WFDC1: variants seen among roughly 807,000 people sequenced by gnomAD.
WFDC1 encodes the protein WAP four-disulfide core domain 1, also known as WAP four-disulfide core domain protein 1.
Under a neutral mutation model 32.9 loss-of-function variants are expected in WFDC1, and 39 were observed. The observed-to-expected ratio is 1.19, with a 90% CI of 0.92 to 1.55. The LOEUF (loss-of-function observed/expected upper bound fraction) is 1.55. Ranked by LOEUF, WFDC1 falls within the 40% of genes most tolerant of loss-of-function variation. The pLI, the probability that WFDC1 is intolerant of heterozygous loss-of-function variation, is 0.00. For missense variants in WFDC1, 386 were observed against 309.5 expected (o/e 1.25, Z -1.85); for synonymous variants, 184 against 137.4 (o/e 1.34, Z -2.37).
At chr16:84,302,948 C>T (rs1342846534) in intron 1 of WFDC1, among the ~76,000 whole-genome samples, 1 of 151,796 alleles carries the variant, frequency 6.6e-6, no homozygotes, top group South Asian at 2.1e-4. Context: ...AGAGGACTCT[C>T]GGGTGCACTG....
At chr16:84,307,271 C>T (rs8051893) in intron 1 of WFDC1, among the ~76,000 whole-genome samples, 53,541 of 152,032 alleles carry the variant, frequency 0.35, 9,831 homozygotes, top group East Asian at 0.54. Context: ...TGAGTAAAAG[C>T]TATTTCCCAG....
Position 84,300,575 on chromosome 16 carries a change from C to A in WFDC1, c.144+5460C>A, listed in dbSNP as rs144209263. On this transcript the variant is annotated intron_variant, in intron 1 of 6. Coordinates refer to ENST00000219454, the MANE Select transcript of WFDC1 (RefSeq NM_021197.4). Reference sequence around the variant, plus strand: ...AACTTCTGATCCTTGTGAATGTGACCTTTTTTGGAAACAGGTTCATTACAG... The same window carrying A: ...AACTTCTGATCCTTGTGAATGTGACATTTTTTGGAAACAGGTTCATTACAG... Among the ~76,000 whole-genome samples the A allele has an allele frequency of 4.8e-4, 73 of 152,312 alleles. No homozygotes were observed. The East Asian group carries it at 9.7e-3, about 20-fold the overall frequency.
intron 4 of WFDC1, among the ~76,000 whole-genome samples, chr16:84,323,054 C>T (rs1026561952): frequency 1.3e-5 from 2 of 152,326 alleles, no homozygotes; most frequent in Middle Eastern, 3.4e-3. Flanking sequence ...GGCCAGAATT[C>T]ACCCCCAGGT....
At chr16:84,312,835 G>A (rs987073652) in intron 1 of WFDC1, 126 bp from the exon 2 acceptor site, 1 of 485,514 alleles carries the variant, frequency 2.1e-6, no homozygotes. Flanking sequence ...CCTGCTTGCT[G>A]TTTCTCACAA....
At chr16:84,312,575 T>G (rs559575656) in intron 1 of WFDC1, among the ~76,000 whole-genome samples, 1 of 152,260 alleles carries the variant, frequency 6.6e-6, no homozygotes, top group East Asian at 1.9e-4. Context: ...TATGTACATA[T>G]AGACATATGT....
intron 1 of WFDC1, among the ~76,000 whole-genome samples, chr16:84,301,512 C>A (rs926831667): frequency 1.3e-5 from 2 of 152,128 alleles, no homozygotes; most frequent in African/African-American, 2.4e-5. Context: ...ACTTCATCAT[C>A]AAGACTATGA....
Position 84,318,355 on chromosome 16 carries a change from G to C in WFDC1, c.421G>C (p.Ala141Pro). Residue 141 changes from alanine to proline, a missense_variant and splice_region_variant, in exon 3 of 7, where the codon GCA (alanine) becomes CCA (proline). Coordinates refer to ENST00000219454, the MANE Select transcript of WFDC1 (RefSeq NM_021197.4). ...LLDGPEEVLQ[A>P]EACSTTEDGA... The stretch of plus-strand genomic sequence containing the variant: ...GGATGGCCCTGAGGAGGTGTTACAA[G>C]GTACCTGCCGGGTAAAGCCCAGACC... 3 of 1,613,960 alleles carry C rather than the reference G, an allele frequency of 1.9e-6. No individual in the cohort carries two copies. Among genetic ancestry groups the C allele is most frequent in the Non-Finnish European group, 2.5e-6 (3 of 1,179,896 alleles).
intron 2 of WFDC1, among the ~76,000 whole-genome samples, chr16:84,315,296 C>G (rs866396555): frequency 2.2e-4 from 34 of 152,312 alleles, no homozygotes; most frequent in Middle Eastern, 3.4e-3. Flanking sequence ...TTTAAACCCT[C>G]CATCCCTGTT....
intron 1 of WFDC1, among the ~76,000 whole-genome samples, chr16:84,311,607 C>T (rs988673353): frequency 1.4e-5 from 2 of 146,086 alleles, no homozygotes; most frequent in East Asian, 2.0e-4. Flanking sequence ...CAGCTCACTG[C>T]AGCCTTGACC....
At chr16:84,327,027 C>G in intron 6 of WFDC1, 72 bp downstream of exon 6, 1 of 1,502,160 alleles carries the variant, frequency 6.7e-7, no homozygotes, top group South Asian at 1.1e-5. Flanking sequence ...GCTTTCACCA[C>G]CAGGTTGAGG....
In WFDC1 at chr16:84,318,310, G is replaced by A. The variant is rs549441914; in HGVS notation, c.376G>A (p.Gly126Ser). ...WLVQPKPRWL[G>S]GNGWLLDGPE... ...GGTGCAGCCGAAACCTCGATGGCTTGGTGGCAATGGCTGGCTCCTGGATGG... is the reference window on the plus strand; with the variant it reads ...GGTGCAGCCGAAACCTCGATGGCTTAGTGGCAATGGCTGGCTCCTGGATGG... The change falls in exon 3 of 7, where the codon GGT (glycine) becomes AGT (serine). Residue 126 changes from glycine to serine, a missense_variant. Gly to Ser is a moderately conservative substitution (Grantham distance 56). Coordinates refer to ENST00000219454, the MANE Select transcript of WFDC1 (RefSeq NM_021197.4). The A allele has an allele frequency of 2.5e-6, 4 of 1,614,154 alleles. No homozygotes were observed. The highest frequency in any genetic ancestry group is 3.4e-6 in the Non-Finnish European group (4 of 1,180,008).
intron 5 of WFDC1, among the ~76,000 whole-genome samples, chr16:84,325,074 C>A (rs962330421): frequency 6.6e-6 from 1 of 151,686 alleles, no homozygotes. Flanking sequence ...CTTTTATCCA[C>A]CCCTTTATTC....
Position 84,295,076 on chromosome 16 carries a change from G to A in WFDC1, c.105G>A (p.Trp35Ter). 6.2e-7 allele frequency: 1 copy of A among 1,614,228 alleles called. No homozygotes were observed. The highest frequency in any genetic ancestry group is 1.7e-5 in the Admixed American group (1 of 60,032). The change falls in exon 1 of 7, where the codon TGG becomes TGA. Residue 35 changes from tryptophan to a stop codon, truncating the protein, a stop_gained. Coordinates refer to ENST00000219454, the MANE Select transcript of WFDC1 (RefSeq NM_021197.4). LOFTEE classifies it high-confidence loss of function. ...ACGCCGGCTCTGCCAAGAATATCTG[G>A]AAACGGGCATTGCCTGCGAGGCTGG... ...LLHAGSAKNI[W>*]KRALPARLAE...
intron 4 of WFDC1, among the ~76,000 whole-genome samples, chr16:84,322,283 G>A (rs1023684488): frequency 6.6e-5 from 10 of 151,828 alleles, no homozygotes; most frequent in African/African-American, 2.4e-4. Context: ...CTGACACTTA[G>A]CAATAATTAC....
intron 2 of WFDC1, chr16:84,317,829 A>G (rs575613670): frequency 5.6e-6 from 1 of 179,724 alleles, no homozygotes; most frequent in East Asian, 1.3e-4. Flanking sequence ...AGAGACAGAC[A>G]TTTGTGGTAG....
chr16:84,311,238 C>T (rs1203078937), intron 1 of WFDC1, among the ~76,000 whole-genome samples: 2 of 126,184 alleles, frequency 1.6e-5, no homozygotes, highest in African/African-American at 6.0e-5. Flanking sequence ...ATGTTAAGTA[C>T]AGTACTATAT....
At chr16:84,315,389 C>T (rs1907889801) in intron 2 of WFDC1, among the ~76,000 whole-genome samples, 1 of 152,194 alleles carries the variant, frequency 6.6e-6, no homozygotes, top group African/African-American at 2.4e-5. Flanking sequence ...TGAAGGTCAG[C>T]CCCACAGGGC....
At chr16:84,313,871 G>A (rs566860366) in intron 2 of WFDC1, among the ~76,000 whole-genome samples, 2 of 152,222 alleles carry the variant, frequency 1.3e-5, no homozygotes, top group South Asian at 2.1e-4. Context: ...CTGAAACCCC[G>A]TCTCTACTAA....
Position 84,319,424 on chromosome 16 carries a change from C to T in WFDC1, c.422-7C>T, listed in dbSNP as rs1908164595. On this transcript the variant is annotated splice_polypyrimidine_tract_variant and splice_region_variant and intron_variant, in intron 3 of 6. Coordinates refer to ENST00000219454, the MANE Select transcript of WFDC1 (RefSeq NM_021197.4). ...CTTCTAGACCCCAGCGTGTGTCCCT[C>T]CTGCAGCAGAGGCGTGCAGCACCAC... The T allele has an allele frequency of 6.2e-7, 1 of 1,608,844 alleles. No individual in the cohort carries two copies. The highest frequency in any genetic ancestry group is 8.5e-7 in the Non-Finnish European group (1 of 1,179,732).
Sources: gnomAD v4.1 joint callset for allele counts (sites outside exome capture counted in the v4.1 genomes callset) on GRCh38, gnomAD v4.1.1 for gene constraint, MANE v1.5 for transcripts, NCBI Gene and HGNC (gene_info 2026-07-23, HGNC 2026-07-21) for gene names.